GATB: variants seen among roughly 807,000 people sequenced by gnomAD.
GATB encodes glutamyl-tRNA(Gln) amidotransferase subunit B, mitochondrial.
A neutral mutation model predicts 62.3 loss-of-function variants in GATB; 39 were observed. The observed-to-expected ratio is 0.63, with a 90% CI of 0.48 to 0.82. The LOEUF (loss-of-function observed/expected upper bound fraction) is 0.82, where lower values mean the gene tolerates loss of function less well. Ranked by LOEUF, GATB falls within the 40% of genes least tolerant of loss-of-function variation. The pLI is 0.00. For missense variants in GATB, 670 were observed against 684.0 expected (o/e 0.98, Z 0.23); for synonymous variants, 276 against 258.9 (o/e 1.07, Z -0.63).
At chr4:151,713,732 T>A (rs1169062791) in intron 5 of GATB, among the ~76,000 whole-genome samples, 1 of 152,162 alleles carries the variant, frequency 6.6e-6, no homozygotes, top group Non-Finnish European at 1.5e-5. Context: ...ATCCTGCCTC[T>A]CTTAAGTCAG....
In GATB at chr4:151,758,824, G is replaced by C. The variant is rs112919678; in HGVS notation, c.275C>G (p.Pro92Arg). The change falls in exon 2 of 13, where the codon CCT becomes CGT. Residue 92 changes from proline to arginine, a missense_variant. Pro to Arg is a moderately radical substitution (Grantham distance 103). Transcript: ENST00000263985. ...AAAAAAAGAAACCAAAGAATTTGGA[G>C]GTGCTGAAAAGCGAACTTGAGATCC... ...FSGSQVRFSA[P>R]PNSLVSFFDA... 15 of 1,610,264 alleles carry C rather than the reference G, an allele frequency of 9.3e-6. No individual in the cohort carries two copies. The East Asian group carries it at 3.4e-4, about 36-fold the overall frequency.
intron 9 of GATB, among the ~76,000 whole-genome samples, chr4:151,700,534 G>A (rs1402460912): frequency 6.6e-6 from 1 of 152,130 alleles, no homozygotes; most frequent in East Asian, 1.9e-4. Flanking sequence ...AGTTATGACT[G>A]GCCATCCAAA....
At chr4:151,733,856 T>C (rs1050174649) in intron 2 of GATB, among the ~76,000 whole-genome samples, 2 of 152,188 alleles carry the variant, frequency 1.3e-5, no homozygotes, top group African/African-American at 4.8e-5. Flanking sequence ...AATCAAATGA[T>C]CATCTCAATA....
rs371744323 is a variant in GATB, at chr4:151,715,992, G to A, written c.763+17C>T. The A allele has an allele frequency of 6.2e-7, 1 of 1,612,228 alleles. No individual in the cohort carries two copies. Among genetic ancestry groups the A allele is most frequent in the African/African-American group, 1.3e-5 (1 of 74,846 alleles). ...GAAGGGAGAGGGAAAGAAGAATACT[G>A]CTTCTGTGGCTTCTACCTGCCATGT... On this transcript the variant is annotated intron_variant, in intron 5 of 12. Transcript: ENST00000263985.
At position 151,708,115 on chromosome 4, in the gene GATB, A is replaced by G. The variant is rs544932106; in HGVS notation, c.764-14T>C. ...TCAACTGGCCCTCTGGAAGGAGAGA[A>G]GAAAACAACTCCTTAGAAATTCTTT... On this transcript the variant is annotated splice_polypyrimidine_tract_variant and intron_variant, in intron 5 of 12. Coordinates refer to ENST00000263985, the MANE Select transcript of GATB (RefSeq NM_004564.3). 3 of 1,529,084 alleles carry G rather than the reference A, an allele frequency of 2.0e-6. No individual in the cohort carries two copies. The highest frequency in any genetic ancestry group is 1.7e-5 in the Admixed American group (1 of 59,580). The allele number at this position is 1,529,084 out of a possible 1,614,324, so 94.7% of individuals were successfully genotyped here. A position where few individuals can be genotyped will look rare whatever the true frequency, so the allele number is the denominator to read the frequency against.
chr4:151,760,962 G>C lies in GATB; in HGVS notation c.21C>G (p.Arg7=), dbSNP rs774156188. The C allele has an allele frequency of 2.5e-5, 41 of 1,612,084 alleles. No homozygotes were observed. Among genetic ancestry groups the C allele is most frequent in the Non-Finnish European group, 3.3e-5 (39 of 1,179,458 alleles). ...CCCAACGTCTTCCACGGCAGCCCCA[G>C]CGCAGCATGGGCGCCGCCATTGTAA... MAAPML[R]WGCRGRRWAF... The change falls in exon 1 of 13, where the codon CGC becomes CGG. Residue 7 remains arginine, a synonymous_variant. Coordinates refer to ENST00000263985, the MANE Select transcript of GATB (RefSeq NM_004564.3).
rs1553967159 is a variant in GATB at position 151,697,977 on chromosome 4, A to ATATGTG, written c.1197+3351_1197+3352insCACATA. ...TGTATATATATATATATATATATAT[A>ATATGTG]TATATATATATATATATGAAATGAA... On this transcript the variant is annotated intron_variant, in intron 9 of 12. Transcript: ENST00000263985. Among the ~76,000 whole-genome samples, 150 of 131,828 alleles carry ATATGTG rather than the reference A, an allele frequency of 1.1e-3. 8 individuals are homozygous for ATATGTG. Among genetic ancestry groups the ATATGTG allele is most frequent in the African/African-American group, 4.6e-3 (141 of 30,906 alleles). 86.5% of individuals were successfully genotyped at this position (131,828 alleles called of 152,430 possible).
intron 2 of GATB, among the ~76,000 whole-genome samples, chr4:151,726,691 T>C (rs1306773218): frequency 6.6e-6 from 1 of 152,106 alleles, no homozygotes; most frequent in African/African-American, 2.4e-5. Context: ...TATCCTCAGT[T>C]CCCAGTTTTC....
chr4:151,759,385 A>G (rs73865013), intron 1 of GATB, among the ~76,000 whole-genome samples: 1,570 of 152,336 alleles, frequency 0.01, 20 homozygotes, highest in African/African-American at 0.036. Context: ...TAGAGAAATA[A>G]TGATAAATAG....
intron 2 of GATB, among the ~76,000 whole-genome samples, chr4:151,755,663 T>C (rs180705649): frequency 3.9e-5 from 6 of 152,354 alleles, no homozygotes; most frequent in Admixed American, 2.6e-4. Context: ...ATTTAACTTA[T>C]ATTATATATA....
At chr4:151,732,443 T>G (rs914165964) in intron 2 of GATB, among the ~76,000 whole-genome samples, 14 of 152,162 alleles carry the variant, frequency 9.2e-5, no homozygotes, top group African/African-American at 3.4e-4. Context: ...CTCTGGGGCA[T>G]GTGCTGTGTC....
chr4:151,702,430 T>C (rs1208504508), intron 8 of GATB, among the ~76,000 whole-genome samples: 1 of 152,152 alleles, frequency 6.6e-6, no homozygotes, highest in African/African-American at 2.4e-5. Context: ...TGGATGCATG[T>C]CATTGTGCAT....
chr4:151,685,819 G>A (rs1738231093), intron 10 of GATB, among the ~76,000 whole-genome samples: 1 of 152,174 alleles, frequency 6.6e-6, no homozygotes, highest in East Asian at 1.9e-4. Context: ...AGGCCAAGGC[G>A]GGCTGATCAC....
At chr4:151,727,976 C>A (rs999610385) in intron 2 of GATB, among the ~76,000 whole-genome samples, 2 of 152,164 alleles carry the variant, frequency 1.3e-5, no homozygotes, top group Admixed American at 1.3e-4. Context: ...AAATAAGGCA[C>A]AACAGATGCT....
intron 2 of GATB, among the ~76,000 whole-genome samples, chr4:151,747,291 A>G (rs142279360): frequency 1.6e-3 from 237 of 152,302 alleles, no homozygotes; most frequent in African/African-American, 5.4e-3. Context: ...CTGTGAGCCA[A>G]AAAATTCTAG....
chr4:151,700,386 C>G (rs1738577227), intron 9 of GATB, among the ~76,000 whole-genome samples: 1 of 152,186 alleles, frequency 6.6e-6, no homozygotes, highest in South Asian at 2.1e-4. Context: ...CTCCAAGTAG[C>G]TGATTTATGG....
At chr4:151,690,591 CTT>C (rs1314108048) in intron 9 of GATB, among the ~76,000 whole-genome samples, 1 of 152,250 alleles carries the variant, frequency 6.6e-6, no homozygotes, top group Non-Finnish European at 1.5e-5. Context: ...CAGGAGAACT[CTT>C]TGCTTTGCCA....
At chr4:151,704,226 A>T (rs1236878729) in intron 7 of GATB, among the ~76,000 whole-genome samples, 1 of 152,196 alleles carries the variant, frequency 6.6e-6, no homozygotes, top group Non-Finnish European at 1.5e-5. Flanking sequence ...CAAGTTATCT[A>T]AACAAAAATA....
intron 2 of GATB, among the ~76,000 whole-genome samples, chr4:151,735,564 CA>C (rs1288164745): frequency 6.6e-6 from 1 of 151,362 alleles, no homozygotes; most frequent in Non-Finnish European, 1.5e-5. Flanking sequence ...GTAGAACTAC[CA>C]TTTGATCCAG....
Sources: gnomAD v4.1 joint callset for allele counts (sites outside exome capture counted in the v4.1 genomes callset) on GRCh38, gnomAD v4.1.1 for gene constraint, MANE v1.5 for transcripts, NCBI Gene and HGNC (gene_info 2026-07-23, HGNC 2026-07-21) for gene names.